The following ADAMTS17 variants were observed in gnomAD, a reference collection of about 807,000 sequenced individuals.
ADAMTS17 encodes the protein ADAM metallopeptidase with thrombospondin type 1 motif 17.
In ADAMTS17, 113 loss-of-function variants were observed where a neutral mutation model predicts 141.5. The ratio of observed to expected loss-of-function variants is 0.80; its 90% CI spans 0.69 to 0.93. The LOEUF (loss-of-function observed/expected upper bound fraction) is 0.93. Ranked by LOEUF, ADAMTS17 falls within the 40% of genes least tolerant of loss-of-function variation. The pLI, the probability that ADAMTS17 is intolerant of heterozygous loss-of-function variation, is 0.00. For missense variants in ADAMTS17, 1,659 were observed against 1,517.9 expected, an observed-to-expected ratio of 1.09 and a Z score of -1.54; for synonymous variants, 768 against 630.6, an observed-to-expected ratio of 1.22 and a Z score of -3.27.
At chr15:100,146,772 G>A (rs1396316730) in intron 10 of ADAMTS17, among the ~76,000 whole-genome samples, 2 of 152,256 alleles carry the variant, frequency 1.3e-5, no homozygotes, top group African/African-American at 4.8e-5. Flanking sequence ...GTGCCTGGGG[G>A]TATAGGTCTA....
intron 8 of ADAMTS17, among the ~76,000 whole-genome samples, chr15:100,169,930 T>C (rs2040097470): frequency 1.3e-5 from 2 of 152,156 alleles, no homozygotes; most frequent in Admixed American, 6.5e-5. Flanking sequence ...GCACTCAGTG[T>C]TCCAGGGCAT....
chr15:100,000,144 CT>C (rs1266145789), intron 18 of ADAMTS17, among the ~76,000 whole-genome samples: 2 of 152,188 alleles, frequency 1.3e-5, no homozygotes, highest in African/African-American at 4.8e-5. Context: ...TCATTGTCTC[CT>C]TGGTAGGAGA....
At position 100,010,043 on chromosome 15, in the gene ADAMTS17, C is replaced by T. The variant is rs111930319; in HGVS notation, c.2592-12454G>A. ...TTTTCCCGTGCTGTTCTCAAGATAG[C>T]GAATAAGTCTTGAGATCTGATGGTT... On this transcript the variant is annotated intron_variant, in intron 18 of 21. Transcript: ENST00000268070. Among the ~76,000 whole-genome samples, 905 of 152,258 alleles carry T rather than the reference C, an allele frequency of 5.9e-3. 6 individuals carry two copies. Among genetic ancestry groups the T allele is most frequent in the African/African-American group, 0.02 (831 of 41,540 alleles).
At chr15:100,145,361 A>G (rs1234631398) in intron 10 of ADAMTS17, among the ~76,000 whole-genome samples, 1 of 152,232 alleles carries the variant, frequency 6.6e-6, no homozygotes, top group African/African-American at 2.4e-5. Context: ...TTCACCCCTA[A>G]AACTCCTGAC....
intron 13 of ADAMTS17, among the ~76,000 whole-genome samples, chr15:100,116,453 G>T (rs904152708): frequency 1.3e-5 from 2 of 152,246 alleles, no homozygotes; most frequent in Non-Finnish European, 2.9e-5. Context: ...GCAATACAGG[G>T]ATCATCCACA....
chr15:100,284,408 T>C (rs1333408877), intron 3 of ADAMTS17, among the ~76,000 whole-genome samples: 3 of 152,046 alleles, frequency 2.0e-5, no homozygotes, highest in Non-Finnish European at 4.4e-5. Flanking sequence ...ATGCATGCAG[T>C]GGGTAAAGGG....
Position 99,997,149 on chromosome 15 carries a change from G to T in ADAMTS17, c.2796+236C>A, listed in dbSNP as rs1358329714. Among the ~76,000 whole-genome samples the T allele has an allele frequency of 6.6e-6, 1 of 152,210 alleles. No homozygotes were observed. The highest frequency in any genetic ancestry group is 1.5e-5 in the Non-Finnish European group (1 of 68,034). The stretch of plus-strand genomic sequence containing the variant: ...TGATGTGAGAATTTTCATAGGAAAT[G>T]GGATCAAACAGTCCTTCACTGTGGT... On this transcript the variant is annotated intron_variant, in intron 19 of 21. Coordinates refer to ENST00000268070, the MANE Select transcript of ADAMTS17 (RefSeq NM_139057.4). This position sits in a 1 kb window ranked among gnomAD's most constrained non-coding sequence, Gnocchi z 4.7.
intron 5 of ADAMTS17, among the ~76,000 whole-genome samples, chr15:100,262,006 T>G (rs943318485): frequency 6.6e-5 from 10 of 152,202 alleles, no homozygotes; most frequent in African/African-American, 2.4e-4. Flanking sequence ...GATGCTGCCA[T>G]GAACCCAAAC....
At chr15:100,326,004 G>A (rs772063092) in intron 3 of ADAMTS17, among the ~76,000 whole-genome samples, 4 of 152,116 alleles carry the variant, frequency 2.6e-5, no homozygotes, top group Admixed American at 6.5e-5. Flanking sequence ...AATAAATTTC[G>A]GTTAAGCCCC....
intron 8 of ADAMTS17, among the ~76,000 whole-genome samples, chr15:100,188,476 T>G (rs2040803191): frequency 6.6e-6 from 1 of 152,094 alleles, no homozygotes; most frequent in Non-Finnish European, 1.5e-5. Context: ...TCTTCAGTGT[T>G]TCTGACAGTT....
Position 100,110,273 on chromosome 15 carries a change from A to AT in ADAMTS17, c.1889-1158dup, listed in dbSNP as rs1442785719. Among the ~76,000 whole-genome samples the AT allele has an allele frequency of 6.3e-3, 821 of 130,856 alleles. 7 individuals are homozygous for AT. Among genetic ancestry groups the AT allele is most frequent in the African/African-American group, 0.017 (660 of 38,374 alleles). 85.8% of individuals were successfully genotyped at this position (130,856 alleles called of 152,430 possible). A position where few individuals can be genotyped will look rare whatever the true frequency, so the allele number is the denominator to read the frequency against. On this transcript the variant is annotated intron_variant, in intron 13 of 21. Coordinates refer to ENST00000268070, the MANE Select transcript of ADAMTS17 (RefSeq NM_139057.4). ...TATAAATACATATATACATATATAT[A>AT]TATTTTTTTGAGACAGAGTCTCACT... is the stretch of plus-strand genomic sequence containing the variant.
intron 18 of ADAMTS17, among the ~76,000 whole-genome samples, chr15:100,039,157 TA>T (rs1387682467): frequency 1.3e-5 from 2 of 152,224 alleles, no homozygotes; most frequent in Non-Finnish European, 2.9e-5. Context: ...CCAATCTAGC[TA>T]AAGACTTGTC....
At chr15:100,268,109 G>A (rs1002257155) in intron 4 of ADAMTS17, among the ~76,000 whole-genome samples, 2 of 143,322 alleles carry the variant, frequency 1.4e-5, no homozygotes, top group Non-Finnish European at 3.0e-5. Flanking sequence ...CTGTATCCAT[G>A]TTGCTGCAAA....
chr15:100,179,874 A>G (rs2040465883), intron 8 of ADAMTS17, among the ~76,000 whole-genome samples: 2 of 152,202 alleles, frequency 1.3e-5, no homozygotes, highest in African/African-American at 2.4e-5. Context: ...AAATCAGATT[A>G]TAAGATTTTT....
intron 7 of ADAMTS17, among the ~76,000 whole-genome samples, chr15:100,234,903 G>C (rs1414946468): frequency 2.6e-5 from 4 of 152,216 alleles, no homozygotes; most frequent in African/African-American, 9.7e-5. Context: ...GGGTAGAGGA[G>C]ACAATAGAAA....
chr15:100,202,026 C>G lies in ADAMTS17; in HGVS notation c.1076-2603G>C, dbSNP rs532681655. On this transcript the variant is annotated intron_variant, in intron 7 of 21. Transcript: ENST00000268070. The stretch of plus-strand genomic sequence containing the variant: ...ATGAATCAATTAGAAACAATCAGAT[C>G]TGCACGCCCTGGAGAAGTTGCCTGG... Among the ~76,000 whole-genome samples, 56 of 152,322 alleles carry G rather than the reference C, an allele frequency of 3.7e-4. 1 individual carries two copies. Among genetic ancestry groups the G allele is most frequent in the Non-Finnish European group, 6.8e-4 (46 of 68,026 alleles).
chr15:100,149,364 T>G (rs542943793), intron 10 of ADAMTS17, among the ~76,000 whole-genome samples: 1 of 152,238 alleles, frequency 6.6e-6, no homozygotes, highest in Admixed American at 6.5e-5. Context: ...TATGTCAGTA[T>G]GTTCAGTTCT....
chr15:100,092,077 T>C (rs930838875), intron 15 of ADAMTS17, among the ~76,000 whole-genome samples: 3 of 152,220 alleles, frequency 2.0e-5, no homozygotes, highest in Non-Finnish European at 2.9e-5. Context: ...AACTTTTCTA[T>C]GGAAGAAGGT....
chr15:100,019,896 C>T lies in ADAMTS17; in HGVS notation c.2592-22307G>A, dbSNP rs140042690. ...GATGATTCTGCACCACTGGCCTGCA[C>T]ACGGGTCCTTGTCATTGCTTTCTTT... On this transcript the variant is annotated intron_variant, in intron 18 of 21. Transcript: ENST00000268070. Among the ~76,000 whole-genome samples the T allele has an allele frequency of 1.5e-3, 235 of 152,250 alleles. 7 individuals carry two copies. The highest frequency in any genetic ancestry group is 0.013 in the Admixed American group (205 of 15,302).
Sources: allele counts gnomAD v4.1 joint callset (sites outside exome capture counted in the v4.1 genomes callset), GRCh38; gene constraint gnomAD v4.1.1; non-coding constraint Gnocchi (gnomAD v3.1); transcripts MANE v1.5; gene names NCBI Gene and HGNC (gene_info 2026-07-23, HGNC 2026-07-21).